STXBP5L: variants seen among roughly 807,000 people sequenced by gnomAD.
The protein encoded by STXBP5L is syntaxin-binding protein 5-like.
Under a neutral mutation model 144.5 loss-of-function variants are expected in STXBP5L, and 65 were observed. The observed-to-expected ratio is 0.45, with a 90% CI of 0.37 to 0.55. STXBP5L has a LOEUF of 0.55. Ranked by LOEUF, STXBP5L falls within the 20% of genes least tolerant of loss-of-function variation. The pLI is 0.00. For missense variants in STXBP5L, 1,298 were observed against 1,405.5 expected, an observed-to-expected ratio of 0.92 and a Z score of 1.22; for synonymous variants, 505 against 469.6, an observed-to-expected ratio of 1.08 and a Z score of -0.97.
intron 9 of STXBP5L, among the ~76,000 whole-genome samples, chr3:121,174,587 AC>A (rs1337349213): frequency 1.3e-5 from 2 of 152,106 alleles, no homozygotes; most frequent in Non-Finnish European, 2.9e-5. Context: ...TAGGGCGGAC[AC>A]CCTTGGAGGC....
intron 3 of STXBP5L, among the ~76,000 whole-genome samples, chr3:121,015,602 T>C (rs1489311870): frequency 6.6e-6 from 1 of 152,190 alleles, no homozygotes; most frequent in East Asian, 1.9e-4. Context: ...ATACTTTTCC[T>C]TTTAGGGAAC....
chr3:121,237,553 T>C (rs1420172579), intron 12 of STXBP5L, among the ~76,000 whole-genome samples: 1 of 152,226 alleles, frequency 6.6e-6, no homozygotes. Flanking sequence ...GCTAATCTCT[T>C]TAGGAAGTAG....
At chr3:121,269,427 A>G (rs182990901) in intron 18 of STXBP5L, among the ~76,000 whole-genome samples, 21 of 151,118 alleles carry the variant, frequency 1.4e-4, no homozygotes, top group South Asian at 2.1e-4. Flanking sequence ...GTGTGTGTGT[A>G]TATATATATA....
At chr3:120,979,041 A>C (rs1168632954) in intron 3 of STXBP5L, among the ~76,000 whole-genome samples, 1 of 152,206 alleles carries the variant, frequency 6.6e-6, no homozygotes, top group South Asian at 2.1e-4. Flanking sequence ...TCAGATCTCC[A>C]GCTGCATGCT....
intron 20 of STXBP5L, among the ~76,000 whole-genome samples, chr3:121,375,820 G>A (rs2046165843): frequency 6.6e-6 from 1 of 151,904 alleles, no homozygotes; most frequent in Non-Finnish European, 1.5e-5. Context: ...TGTTCAACAT[G>A]GCCAATAAAC....
intron 7 of STXBP5L, among the ~76,000 whole-genome samples, chr3:121,140,674 AATTTTAAAAAATTGATTAC>A (rs2045458641): frequency 6.6e-6 from 1 of 152,190 alleles, no homozygotes; most frequent in African/African-American, 2.4e-5. Flanking sequence ...TCATATGTGG[AATTTTAAAAAATTGATTAC>A]ATTGAAGTAG....
intron 14 of STXBP5L, among the ~76,000 whole-genome samples, chr3:121,245,507 T>C (rs2049820393): frequency 6.6e-6 from 1 of 152,058 alleles, no homozygotes; most frequent in Non-Finnish European, 1.5e-5. Flanking sequence ...TCAAAAGACA[T>C]AGAATGGCTT....
chr3:121,299,737 A>C (rs2051810462), intron 19 of STXBP5L, among the ~76,000 whole-genome samples: 1 of 152,106 alleles, frequency 6.6e-6, no homozygotes, highest in South Asian at 2.1e-4. Flanking sequence ...CTGTAATCCC[A>C]GCACTTTGGG....
chr3:121,153,343 A>G lies in STXBP5L; in HGVS notation c.753+783A>G, dbSNP rs201452931. Among the ~76,000 whole-genome samples the G allele has an allele frequency of 1.4e-4, 22 of 152,198 alleles. No homozygotes were observed. The East Asian group carries it at 4.2e-3, about 29-fold the overall frequency. ...ATTACCTTTTGTACCTGTGGAAACA[A>G]AGGTGATCATCTGTGCTATTAATTC... On this transcript the variant is annotated intron_variant, in intron 8 of 26. Coordinates refer to ENST00000471454, the MANE Select transcript of STXBP5L (RefSeq NM_001308330.2).
At chr3:121,282,271 T>C (rs778966385) in intron 19 of STXBP5L, 2 of 1,611,808 alleles carry the variant, frequency 1.2e-6, no homozygotes, top group South Asian at 2.2e-5. Context: ...CAAAGACAAC[T>C]TTTGCATGCG....
At chr3:121,049,600 A>G (rs1005867640) in intron 5 of STXBP5L, 5 of 154,452 alleles carry the variant, frequency 3.2e-5, no homozygotes, top group African/African-American at 1.2e-4. Flanking sequence ...TCCTGATCCG[A>G]GAATTCTGGT....
At chr3:121,007,959 A>G (rs920937727) in intron 3 of STXBP5L, among the ~76,000 whole-genome samples, 6 of 152,080 alleles carry the variant, frequency 3.9e-5, no homozygotes, top group Admixed American at 1.3e-4. Flanking sequence ...AGTTAGTGGA[A>G]AAAACTATAC....
At chr3:121,259,877 T>C (rs1353799017) in intron 18 of STXBP5L, among the ~76,000 whole-genome samples, 1 of 151,998 alleles carries the variant, frequency 6.6e-6, no homozygotes, top group Non-Finnish European at 1.5e-5. Context: ...CTCCAGAAAG[T>C]ATCTACATTT....
At chr3:121,132,458 G>C (rs1021167712) in intron 7 of STXBP5L, among the ~76,000 whole-genome samples, 2 of 152,172 alleles carry the variant, frequency 1.3e-5, no homozygotes, top group Admixed American at 6.6e-5. Flanking sequence ...ACAGATGCCT[G>C]TATCTCCATG....
At chr3:121,037,068 C>T (rs1946811415) in intron 3 of STXBP5L, among the ~76,000 whole-genome samples, 1 of 151,800 alleles carries the variant, frequency 6.6e-6, no homozygotes, top group Non-Finnish European at 1.5e-5. Flanking sequence ...CTGGGACTAC[C>T]AGCACACATT....
chr3:121,201,292 C>T (rs1241125494), intron 9 of STXBP5L, among the ~76,000 whole-genome samples: 1 of 152,020 alleles, frequency 6.6e-6, no homozygotes, highest in Admixed American at 6.6e-5. Flanking sequence ...CTTTTTTGAT[C>T]TTTGTTGGTT....
chr3:121,418,198 T>C (rs1303363897), intron 25 of STXBP5L, 139 bp from the exon 26 acceptor site: 5 of 981,974 alleles, frequency 5.1e-6, no homozygotes, highest in Middle Eastern at 2.9e-4. Flanking sequence ...CAAATACATA[T>C]ATGACTGGAC....
At chr3:121,353,615 G>C (rs149613577) in intron 20 of STXBP5L, among the ~76,000 whole-genome samples, 2 of 151,840 alleles carry the variant, frequency 1.3e-5, no homozygotes. Context: ...CAATTTTGTT[G>C]ATCTTTTCAA....
chr3:121,057,423 T>A (rs1948538413), intron 5 of STXBP5L, among the ~76,000 whole-genome samples: 1 of 152,114 alleles, frequency 6.6e-6, no homozygotes, highest in Non-Finnish European at 1.5e-5. Flanking sequence ...TTTGCCGTTG[T>A]GTAACAAACA....
Sources: allele counts gnomAD v4.1 joint callset (sites outside exome capture counted in the v4.1 genomes callset), GRCh38; gene constraint gnomAD v4.1.1; transcripts MANE v1.5; gene names NCBI Gene and HGNC (gene_info 2026-07-23, HGNC 2026-07-21).